BARX2: variants seen among roughly 807,000 people sequenced by gnomAD.
BARX2 encodes BARX homeobox 2, also known as homeobox protein BarH-like 2.
In BARX2, 11 loss-of-function variants were observed where a neutral mutation model predicts 25.5. That is an observed-to-expected ratio of 0.43 (90% confidence interval 0.27 to 0.71). The LOEUF (loss-of-function observed/expected upper bound fraction) is 0.71. Among genes scored for constraint, BARX2 ranks in the 30% least tolerant of loss-of-function variants. The pLI is 0.19. For synonymous variants in BARX2, 137 were observed against 149.5 expected, an observed-to-expected ratio of 0.92 and a Z score of 0.61; for missense variants, 360 against 359.9, an observed-to-expected ratio of 1.00 and a Z score of 0.00.
At chr11:129,395,498 G>A (rs1235100402) in intron 1 of BARX2, among the ~76,000 whole-genome samples, 1 of 152,128 alleles carries the variant, frequency 6.6e-6, no homozygotes, top group East Asian at 1.9e-4. Context: ...TTGAGTTAGT[G>A]GGCCGTGAGT....
At chr11:129,444,405 C>T (rs1457925349) in intron 3 of BARX2, among the ~76,000 whole-genome samples, 5 of 152,128 alleles carry the variant, frequency 3.3e-5, no homozygotes, top group Non-Finnish European at 7.3e-5. Flanking sequence ...GGCGACTTGG[C>T]TCATGAAGTG....
At chr11:129,410,009 A>G (rs1861870161) in intron 1 of BARX2, among the ~76,000 whole-genome samples, 1 of 152,152 alleles carries the variant, frequency 6.6e-6, no homozygotes, top group Admixed American at 6.5e-5. Flanking sequence ...CTTAACTTAT[A>G]TGGGCCTTAA....
chr11:129,437,592 C>T, intron 2 of BARX2: 1 of 832,262 alleles, frequency 1.2e-6, no homozygotes, highest in Non-Finnish European at 1.4e-6. Context: ...TGACTGAGAC[C>T]CAGGAGGACC....
At chr11:129,394,549 A>G (rs891843478) in intron 1 of BARX2, among the ~76,000 whole-genome samples, 5 of 152,254 alleles carry the variant, frequency 3.3e-5, no homozygotes, top group African/African-American at 1.2e-4. Context: ...CCAGAGTTGA[A>G]CAATGATTTA....
At chr11:129,408,020 C>CAAAA (rs59310534) in intron 1 of BARX2, among the ~76,000 whole-genome samples, 4 of 46,480 alleles carry the variant, frequency 8.6e-5, no homozygotes, top group South Asian at 1.1e-3. Context: ...GACTCCGTCT[C>CAAAA]AAAAAAAAAA....
intron 3 of BARX2, among the ~76,000 whole-genome samples, chr11:129,444,223 G>C (rs1379106404): frequency 1.4e-5 from 2 of 147,780 alleles, no homozygotes; most frequent in African/African-American, 5.2e-5. Context: ...CTAACAATGA[G>C]GAGAAAAAAA....
chr11:129,378,013 G>C (rs1861521206), intron 1 of BARX2, among the ~76,000 whole-genome samples: 1 of 152,164 alleles, frequency 6.6e-6, no homozygotes, highest in Non-Finnish European at 1.5e-5. Flanking sequence ...AAATAAATCA[G>C]AGGAAAAAAA....
intron 1 of BARX2, among the ~76,000 whole-genome samples, chr11:129,398,085 T>C (rs1420834459): frequency 1.3e-5 from 2 of 152,244 alleles, no homozygotes; most frequent in Admixed American, 1.3e-4. Flanking sequence ...AGAAGTTGCA[T>C]TTTTAAAATG....
intron 1 of BARX2, among the ~76,000 whole-genome samples, chr11:129,391,380 A>G (rs181106003): frequency 6.6e-6 from 1 of 152,334 alleles, no homozygotes; most frequent in Non-Finnish European, 1.5e-5. Context: ...GGCAGCTTTC[A>G]TGCTGTCACA....
intron 1 of BARX2, among the ~76,000 whole-genome samples, chr11:129,378,020 A>G (rs1720388552): frequency 6.6e-6 from 1 of 152,226 alleles, no homozygotes; most frequent in Non-Finnish European, 1.5e-5. Context: ...TCAGAGGAAA[A>G]AAAAATGATT....
chr11:129,378,834 C>A (rs1861531894), intron 1 of BARX2, among the ~76,000 whole-genome samples: 1 of 145,560 alleles, frequency 6.9e-6, no homozygotes, highest in African/African-American at 2.6e-5. Flanking sequence ...GGAAAGAAAA[C>A]TACAGCATTA....
chr11:129,442,778 A>C (rs950615228), intron 2 of BARX2, 57 bp from the exon 3 acceptor site: 2 of 1,453,888 alleles, frequency 1.4e-6, no homozygotes, highest in Middle Eastern at 1.7e-4. Flanking sequence ...GCAGGATCCC[A>C]TCTCTCCTGC....
rs537810922 is a variant in BARX2, at chr11:129,392,084, G to A, written c.187+15862G>A. On this transcript the variant is annotated intron_variant, in intron 1 of 3. Coordinates refer to ENST00000281437, the MANE Select transcript of BARX2 (RefSeq NM_003658.5). ...GGTCCACTCTGCTGGGGAAGTGCAG[G>A]AGACTATGTGCCTTTGGAATTTTCA... Among the ~76,000 whole-genome samples, 4 of 152,320 alleles carry A rather than the reference G, an allele frequency of 2.6e-5. No homozygotes were observed. The South Asian group carries it at 8.3e-4, about 32-fold the overall frequency.
intron 1 of BARX2, among the ~76,000 whole-genome samples, chr11:129,410,200 T>C (rs1861871577): frequency 6.6e-6 from 1 of 152,226 alleles, no homozygotes; most frequent in Non-Finnish European, 1.5e-5. Flanking sequence ...CCTTGCGTTT[T>C]AATCTATTTT....
chr11:129,423,531 C>T (rs1323391115), intron 1 of BARX2, among the ~76,000 whole-genome samples: 3 of 152,192 alleles, frequency 2.0e-5, no homozygotes, highest in Non-Finnish European at 4.4e-5. Flanking sequence ...TAACTGGGTC[C>T]AGTGCCCTGA....
chr11:129,394,133 T>C (rs1407146182), intron 1 of BARX2, among the ~76,000 whole-genome samples: 1 of 152,202 alleles, frequency 6.6e-6, no homozygotes, highest in Non-Finnish European at 1.5e-5. Context: ...TTGAACTTTA[T>C]ATAGATGGAA....
chr11:129,411,500 T>G (rs943962223), intron 1 of BARX2, among the ~76,000 whole-genome samples: 1 of 152,192 alleles, frequency 6.6e-6, no homozygotes, highest in African/African-American at 2.4e-5. Flanking sequence ...GGCAATTCTG[T>G]AAGTGAATTG....
chr11:129,409,225 A>G (rs1861863093), intron 1 of BARX2, among the ~76,000 whole-genome samples: 1 of 152,152 alleles, frequency 6.6e-6, no homozygotes, highest in Non-Finnish European at 1.5e-5. Context: ...CGAGCGATTC[A>G]TGTTTTCCAT....
chr11:129,440,167 G>A (rs1862240203), intron 2 of BARX2, among the ~76,000 whole-genome samples: 1 of 152,212 alleles, frequency 6.6e-6, no homozygotes, highest in African/African-American at 2.4e-5. Context: ...TTTCCTAGGT[G>A]ACCCCATTTA....
Sources: gnomAD v4.1 joint callset for allele counts (sites outside exome capture counted in the v4.1 genomes callset) on GRCh38, gnomAD v4.1.1 for gene constraint, MANE v1.5 for transcripts, NCBI Gene and HGNC (gene_info 2026-07-23, HGNC 2026-07-21) for gene names.